Variants in AK2 observed in about 807,000 individuals in gnomAD.
AK2 encodes adenylate kinase 2.
In AK2, 15 loss-of-function variants were observed where a neutral mutation model predicts 24.6. That is an observed-to-expected ratio of 0.61 (90% CI 0.41 to 0.94). AK2 has a LOEUF of 0.94. Ranked by LOEUF, AK2 falls within the 40% of genes least tolerant of loss-of-function variation. The pLI, the probability that AK2 is intolerant of heterozygous loss-of-function variation, is 0.00. For missense variants in AK2, 257 were observed against 304.1 expected (o/e 0.85, Z 1.15); for synonymous variants, 102 against 114.0 (o/e 0.90, Z 0.67).
rs368436456 is a variant in AK2 at position 33,024,611 on chromosome 1, G to A, written c.94-44C>T. 7 of 1,613,172 alleles carry A rather than the reference G, an allele frequency of 4.3e-6. No individual in the cohort carries two copies. In the African/African-American group the frequency reaches 9.3e-5, roughly 22 times the overall value. On this transcript the variant is annotated intron_variant, in intron 1 of 5. Coordinates refer to ENST00000672715, the MANE Select transcript of AK2 (RefSeq NM_001625.4). ...AAACCAAGATTCAATTACATTACAG[G>A]CTGTGGAGTCAGACTGCCTAGGTGT...
chr1:33,011,294 C>T lies in AK2; in HGVS notation c.*1887G>A. ...AGGATCCCAGACCAGGCACACATAG[C>T]TGACAGTTTTTGTTTCACTCCTCTT... is the stretch of plus-strand genomic sequence containing the variant. On this transcript the variant is annotated 3_prime_UTR_variant, in exon 6 of 6. Coordinates refer to ENST00000672715, the MANE Select transcript of AK2 (RefSeq NM_001625.4). The T allele has an allele frequency of 7.7e-7, 1 of 1,291,608 alleles. No individual in the cohort carries two copies. The allele number at this position is 1,291,608 out of a possible 1,614,324, so 80.0% of individuals were successfully genotyped here.
Position 33,012,349 on chromosome 1 carries a change from G to T in AK2, c.*832C>A. 1 of 1,528,876 alleles carries T rather than the reference G, an allele frequency of 6.5e-7. No individual in the cohort carries two copies. The highest frequency in any genetic ancestry group is 8.7e-7 in the Non-Finnish European group (1 of 1,144,338). 94.7% of individuals were successfully genotyped at this position (1,528,876 alleles called of 1,614,324 possible). ...GTGCCTTTTTCCTTCCACCTAGGGG[G>T]AAAAAATTAATGATCCCTGTTCACA... On this transcript the variant is annotated 3_prime_UTR_variant, in exon 6 of 6. Coordinates refer to ENST00000672715, the MANE Select transcript of AK2 (RefSeq NM_001625.4).
In AK2 at chr1:33,011,153, T is replaced by C. The variant is rs186714469; in HGVS notation, c.*2028A>G. Reference sequence around the variant, plus strand: ...ATGACAAATATTTGGGCAAGGATCATGCACATAAAATTAGCAAACATTCAA... The same window carrying C: ...ATGACAAATATTTGGGCAAGGATCACGCACATAAAATTAGCAAACATTCAA... On this transcript the variant is annotated 3_prime_UTR_variant, in exon 6 of 6. Transcript: ENST00000672715. 4.2e-5 allele frequency: 58 copies of C among 1,369,778 alleles called. No homozygotes were observed. The highest frequency in any genetic ancestry group is 2.0e-5 in the Non-Finnish European group (21 of 1,055,904). The allele number at this position is 1,369,778 out of a possible 1,614,324, so 84.9% of individuals were successfully genotyped here.
At chr1:33,014,887 GC>G (rs1462348738) in intron 4 of AK2, among the ~76,000 whole-genome samples, 4 of 152,180 alleles carry the variant, frequency 2.6e-5, no homozygotes, top group Admixed American at 2.6e-4. Flanking sequence ...GTCTCACACA[GC>G]CATCCATTCT....
At position 33,012,706 on chromosome 1, in the gene AK2, G is replaced by A. The variant is rs1456010213; in HGVS notation, c.*475C>T. ...AAGCCTAGGAGTTCAAGACCAGCCT[G>A]GGCAACTTGGCAAAATCCTGTCTCT... On this transcript the variant is annotated 3_prime_UTR_variant, in exon 6 of 6. Transcript: ENST00000672715. The A allele has an allele frequency of 1.8e-6, 2 of 1,132,928 alleles. No individual in the cohort carries two copies. Among genetic ancestry groups the A allele is most frequent in the Non-Finnish European group, 2.4e-6 (2 of 848,676 alleles). The allele number at this position is 1,132,928 out of a possible 1,614,324, so 70.2% of individuals were successfully genotyped here.
Position 33,024,563 on chromosome 1 carries a change from G to C in AK2, c.98C>G (p.Pro33Arg), listed in dbSNP as rs1430086126. ...GACACAGAAGTTTTCAGCCAATCTG[G>C]GTGCCTACAGAGAGGAAGACAAAAA... Reference protein sequence around the residue: ...PPGAGKGTQAPRLAENFCVCH... With the variant: ...PPGAGKGTQARRLAENFCVCH... The change falls in exon 2 of 6, where the codon CCC (proline) becomes CGC (arginine). Residue 33 changes from proline to arginine, a missense_variant. Pro to Arg is a moderately radical substitution (Grantham distance 103). Transcript: ENST00000672715. 3 of 1,614,122 alleles carry C rather than the reference G, an allele frequency of 1.9e-6. No homozygotes were observed. The highest frequency in any genetic ancestry group is 1.3e-5 in the African/African-American group (1 of 75,030).
rs1376487561 is a variant in AK2 at position 33,009,907 on chromosome 1, C to T, written c.*3274G>A. 1 of 430,888 alleles carries T rather than the reference C, an allele frequency of 2.3e-6. No homozygotes were observed. The highest frequency in any genetic ancestry group is 1.6e-5 in the South Asian group (1 of 63,548). 26.7% of individuals were successfully genotyped at this position (430,888 alleles called of 1,614,324 possible). Reference sequence around the variant, plus strand: ...TAGCTTAGATTATCTAAAAAAAATGCCACAACAGGGGATACAAATTTTAAC... The same window carrying T: ...TAGCTTAGATTATCTAAAAAAAATGTCACAACAGGGGATACAAATTTTAAC... On this transcript the variant is annotated 3_prime_UTR_variant, in exon 6 of 6. Transcript: ENST00000672715.
chr1:33,021,528 T>C (rs1164852591), intron 3 of AK2, 65 bp downstream of exon 3: 1 of 1,605,620 alleles, frequency 6.2e-7, no homozygotes, highest in Admixed American at 1.7e-5. Flanking sequence ...TTCAAAGGAA[T>C]TAAGAAAGAC....
intron 1 of AK2, among the ~76,000 whole-genome samples, chr1:33,033,219 A>G (rs1243105116): frequency 6.6e-6 from 1 of 152,142 alleles, no homozygotes; most frequent in African/African-American, 2.4e-5. Context: ...CCAGGAAAAA[A>G]AGAGAAGGGG....
chr1:33,033,604 T>C (rs1039275549), intron 1 of AK2, among the ~76,000 whole-genome samples: 4 of 152,244 alleles, frequency 2.6e-5, no homozygotes, highest in African/African-American at 7.2e-5. Flanking sequence ...ATTATGCTTA[T>C]GTTTTTAAAA....
At chr1:33,021,531 A>G (rs188804227) in intron 3 of AK2, 62 bp downstream of exon 3, 2 of 1,605,448 alleles carry the variant, frequency 1.2e-6, no homozygotes, top group African/African-American at 2.7e-5. Flanking sequence ...AAAGGAATTA[A>G]GAAAGACAAA....
At chr1:33,016,049 T>C (rs1639164660) in intron 4 of AK2, among the ~76,000 whole-genome samples, 1 of 151,474 alleles carries the variant, frequency 6.6e-6, no homozygotes, top group Admixed American at 6.6e-5. Context: ...AGGAGGGAGG[T>C]GACAGTAGAG....
chr1:33,008,231 C>A lies in AK2; in HGVS notation c.*4950G>T. 1 of 454,002 alleles carries A rather than the reference C, an allele frequency of 2.2e-6. No homozygotes were observed. Among genetic ancestry groups the A allele is most frequent in the Non-Finnish European group, 4.4e-6 (1 of 226,716 alleles). 28.1% of individuals were successfully genotyped at this position (454,002 alleles called of 1,614,324 possible). On this transcript the variant is annotated 3_prime_UTR_variant, in exon 6 of 6. Coordinates refer to ENST00000672715, the MANE Select transcript of AK2 (RefSeq NM_001625.4). ...ATCTTGGTCACTAGTGTCATCAGCA[C>A]CTTTGAGGGGTAGGGATCATTCCTA...
At chr1:33,024,272 A>T in intron 2 of AK2, 170 bp downstream of exon 2, 1 of 902,620 alleles carries the variant, frequency 1.1e-6, no homozygotes, top group Non-Finnish European at 1.7e-6. Flanking sequence ...AAAGTTCTGT[A>T]TCAGCGTTGG....
chr1:33,025,495 GC>G (rs1639823830), intron 1 of AK2, among the ~76,000 whole-genome samples: 1 of 152,086 alleles, frequency 6.6e-6, no homozygotes, highest in Non-Finnish European at 1.5e-5. Flanking sequence ...TAAAATGAAG[GC>G]AAAAAAGGCT....
intron 1 of AK2, among the ~76,000 whole-genome samples, chr1:33,035,620 C>A (rs929954008): frequency 3.3e-5 from 5 of 152,324 alleles, no homozygotes; most frequent in African/African-American, 1.2e-4. Context: ...CATCAATAAT[C>A]CAACCTGCGG....
At chr1:33,025,188 C>CAAAAAAAAAAAAAAAAA (rs386366656) in intron 1 of AK2, among the ~76,000 whole-genome samples, 1 of 68,398 alleles carries the variant, frequency 1.5e-5, no homozygotes, top group Non-Finnish European at 2.8e-5. Context: ...GACTTCGTCT[C>CAAAAAAAAAAAAAAAAA]AAAAAAAAAA....
At chr1:33,021,946 C>A (rs774835855) in intron 2 of AK2, among the ~76,000 whole-genome samples, 3 of 151,958 alleles carry the variant, frequency 2.0e-5, no homozygotes, top group Non-Finnish European at 4.4e-5. Context: ...TCTCCTGTAT[C>A]CCAAAAATCT....
Position 33,021,653 on chromosome 1 carries a change from G to A in AK2, c.270C>T (p.Pro90=). The A allele has an allele frequency of 6.2e-7, 1 of 1,614,114 alleles. No homozygotes were observed. Among genetic ancestry groups the A allele is most frequent in the Non-Finnish European group, 8.5e-7 (1 of 1,179,994 alleles). Residue 90 remains proline, a synonymous_variant, in exon 3 of 6, where the codon CCC becomes CCT. Coordinates refer to ENST00000672715, the MANE Select transcript of AK2 (RefSeq NM_001625.4). ...VELIEKNLET[P]LCKNGFLLDG... is the part of the protein sequence containing the mutation. ...CCAGAAGAAAACCATTTTTGCACAA[G>A]GGGGTCTCCAAATTCTTCTCAATGA...
Sources: gnomAD v4.1 joint callset for allele counts (sites outside exome capture counted in the v4.1 genomes callset) on GRCh38, gnomAD v4.1.1 for gene constraint, MANE v1.5 for transcripts, NCBI Gene and HGNC (gene_info 2026-07-23, HGNC 2026-07-21) for gene names.